Variants in CHEK2 observed in about 807,000 individuals in gnomAD.
The protein encoded by CHEK2 is checkpoint kinase 2, also known as serine/threonine-protein kinase Chk2.
In CHEK2, 71 loss-of-function variants were observed where a neutral mutation model predicts 69.1. The observed-to-expected ratio is 1.03, with a 90% confidence interval of 0.85 to 1.25. The LOEUF is 1.25. CHEK2 is among the 50% of genes most tolerant of loss of function. The pLI is 0.00. For missense variants in CHEK2, 664 were observed against 649.6 expected, an observed-to-expected ratio of 1.02 and a Z score of -0.24; for synonymous variants, 189 against 226.9, an observed-to-expected ratio of 0.83 and a Z score of 1.50.
chr22:28,734,318 C>G, intron 2 of CHEK2, 85 bp downstream of exon 2: 5 of 1,352,552 alleles, frequency 3.7e-6, no homozygotes, highest in Non-Finnish European at 5.2e-6. Context: ...TGGACAACTC[C>G]AATCAGAACC....
In CHEK2 at chr22:28,734,393, AG is replaced by A; in HGVS notation, c.319+9del. 2.5e-6 allele frequency: 4 copies of A among 1,612,860 alleles called. No individual in the cohort carries two copies. In the South Asian group the frequency reaches 4.4e-5, roughly 18 times the overall value. ...AACAAAACGTGATACTATACAACAA[AG>A]GGTCTTACCAAGATTGGCAAATCCA... On this transcript the variant is annotated intron_variant, in intron 2 of 14. Coordinates refer to ENST00000404276, the MANE Select transcript of CHEK2 (RefSeq NM_007194.4).
intron 4 of CHEK2, among the ~76,000 whole-genome samples, chr22:28,719,778 C>G (rs1460771643): frequency 2.0e-5 from 3 of 152,156 alleles, no homozygotes; most frequent in African/African-American, 7.2e-5. Context: ...TATTCCTTGA[C>G]CTCAGAATAT....
Position 28,719,468 on chromosome 22 carries a change from G to T in CHEK2, c.610C>A (p.Leu204Met). 1 of 1,588,340 alleles carries T rather than the reference G, an allele frequency of 6.3e-7. No individual in the cohort carries two copies. The highest frequency in any genetic ancestry group is 1.1e-5 in the South Asian group (1 of 88,334). The change falls in exon 5 of 15, where the codon CTG becomes ATG. Residue 204 changes from leucine (L) to methionine (M), a missense_variant. Transcript: ENST00000404276. ...TAAACTGACTGATCATCTACAGTCA[G>T]ATCAAAAAAGACAAAAACTAAGGAA... ...SRNKVFVFFD[L>M]TVDDQSVYPK...
intron 10 of CHEK2, among the ~76,000 whole-genome samples, chr22:28,696,643 G>A (rs2052595554): frequency 6.6e-6 from 1 of 152,060 alleles, no homozygotes; most frequent in African/African-American, 2.4e-5. Context: ...ACAGGTGTGA[G>A]CCACCATACC....
rs17881298 is a variant in CHEK2, at chr22:28,724,927, T to G, written c.592+50A>C. ...AAGGACAGGACAAATTTTCCTCCTA[T>G]GAGAGAGTGGAAAAAAAAAATTCCA... On this transcript the variant is annotated intron_variant, in intron 4 of 14. Coordinates refer to ENST00000404276, the MANE Select transcript of CHEK2 (RefSeq NM_007194.4). 3.0e-4 allele frequency: 480 copies of G among 1,587,930 alleles called. No individual in the cohort carries two copies. The highest frequency in any genetic ancestry group is 3.6e-4 in the Non-Finnish European group (417 of 1,156,664).
chr22:28,688,682 T>C (rs1382663823), intron 14 of CHEK2, among the ~76,000 whole-genome samples: 11 of 143,080 alleles, frequency 7.7e-5, no homozygotes, highest in South Asian at 4.4e-4. Flanking sequence ...AAAAAAAAAA[T>C]TGGGGGGAGG....
At position 28,723,024 on chromosome 22, in the gene CHEK2, C is replaced by G. The variant is rs573395600; in HGVS notation, c.592+1953G>C. Among the ~76,000 whole-genome samples the G allele has an allele frequency of 2.6e-5, 4 of 152,286 alleles. No homozygotes were observed. In the East Asian group the frequency reaches 7.7e-4, roughly 29 times the overall value. ...TTGGGAACGTCTATGGTTTCTTTAA[C>G]TAAAGAAAAATTGTATTCCTCCTGT... On this transcript the variant is annotated intron_variant, in intron 4 of 14. Coordinates refer to ENST00000404276, the MANE Select transcript of CHEK2 (RefSeq NM_007194.4).
At chr22:28,714,165 T>C (rs960623521) in intron 5 of CHEK2, among the ~76,000 whole-genome samples, 1 of 152,228 alleles carries the variant, frequency 6.6e-6, no homozygotes, top group Non-Finnish European at 1.5e-5. Flanking sequence ...GCTACATCAT[T>C]TTACATTCCC....
At chr22:28,731,559 G>A (rs8184945) in intron 2 of CHEK2, among the ~76,000 whole-genome samples, 40,669 of 152,032 alleles carry the variant, frequency 0.27, 6,955 homozygotes, top group Middle Eastern at 0.41. Flanking sequence ...TCGTACCACT[G>A]CACTCCAGCC....
At position 28,721,636 on chromosome 22, in the gene CHEK2, TA is replaced by T. The variant is rs199835095; in HGVS notation, c.593-2152del. On this transcript the variant is annotated intron_variant, in intron 4 of 14. Transcript: ENST00000404276. ...AGTAGATTTTAAGTATTTTCTCTAT[TA>T]AAAAAAAAAAGATAAATATGTGAGG... The T allele has an allele frequency of 0.03, 10,332 of 341,200 alleles. No homozygotes were observed. Among genetic ancestry groups the T allele is most frequent in the South Asian group, 0.051 (2,063 of 40,722 alleles). 21.1% of individuals were successfully genotyped at this position (341,200 alleles called of 1,614,324 possible).
rs186920781 is a variant in CHEK2 at position 28,702,383 on chromosome 22, A to C, written c.908+1122T>G. The stretch of plus-strand genomic sequence containing the variant: ...CCTCCCGAGTAGCTGGGACTACAGG[A>C]GCCCACCACCACACCCAGCTAATTT... On this transcript the variant is annotated intron_variant, in intron 8 of 14. Coordinates refer to ENST00000404276, the MANE Select transcript of CHEK2 (RefSeq NM_007194.4). Among the ~76,000 whole-genome samples, 446 of 147,400 alleles carry C rather than the reference A, an allele frequency of 3.0e-3. 13 individuals are homozygous for C. The East Asian group carries it at 0.055, about 18-fold the overall frequency.
At chr22:28,704,121 GACACAC>G (rs10565000) in intron 7 of CHEK2, among the ~76,000 whole-genome samples, 42,506 of 142,826 alleles carry the variant, frequency 0.3, 6,976 homozygotes, top group Non-Finnish European at 0.39. Flanking sequence ...GAGACAGACA[GACACAC>G]ACACACACAC....
At chr22:28,696,856 C>T (rs1382600520) in intron 10 of CHEK2, 45 bp downstream of exon 10, 2 of 1,287,174 alleles carry the variant, frequency 1.6e-6, no homozygotes, top group East Asian at 2.3e-5. Context: ...AGTTTCTGAA[C>T]AAGAATCTAC....
At chr22:28,713,294 A>G (rs1191411322) in intron 5 of CHEK2, among the ~76,000 whole-genome samples, 1 of 152,232 alleles carries the variant, frequency 6.6e-6, no homozygotes, top group Non-Finnish European at 1.5e-5. Context: ...CAACAAAAGA[A>G]AAACAATAGA....
At chr22:28,718,373 C>A (rs2053654947) in intron 5 of CHEK2, among the ~76,000 whole-genome samples, 2 of 152,146 alleles carry the variant, frequency 1.3e-5, no homozygotes, top group Middle Eastern at 3.4e-3. Flanking sequence ...TATAAAGGTT[C>A]CCCAAAAAGC....
In CHEK2 at chr22:28,741,804, G is replaced by C. The variant is rs1284527725; in HGVS notation, c.-42C>G. 2 of 515,492 alleles carry C rather than the reference G, an allele frequency of 3.9e-6. No homozygotes were observed. Among genetic ancestry groups the C allele is most frequent in the Admixed American group, 6.7e-5 (2 of 30,048 alleles). The allele number at this position is 515,492 out of a possible 1,614,324, so 31.9% of individuals were successfully genotyped here. A position where few individuals can be genotyped will look rare whatever the true frequency, so the allele number is the denominator to read the frequency against. On this transcript the variant is annotated 5_prime_UTR_variant, in exon 1 of 15. Transcript: ENST00000404276. ...CACCTGGAGCCGCACACTCTCCGCA[G>C]CCTCAGCCAGCAGAGTGGCGCTAAA...
At chr22:28,731,336 C>T (rs764816706) in intron 2 of CHEK2, among the ~76,000 whole-genome samples, 15 of 152,048 alleles carry the variant, frequency 9.9e-5, no homozygotes, top group African/African-American at 1.4e-4. Context: ...TGGTGGCTCG[C>T]GCCTGTAATC....
At position 28,734,668 on chromosome 22, in the gene CHEK2, A is replaced by G. The variant is rs1057523962; in HGVS notation, c.54T>C (p.Cys18=). ...GGGTAACGCTGCCATGGGGCTGTGAACAGGCACTGCTGCCATGAGACTGCT... is the reference window on the plus strand; with the variant it reads ...GGGTAACGCTGCCATGGGGCTGTGAGCAGGCACTGCTGCCATGAGACTGCT... ...EAQQSHGSSA[C]SQPHGSVTQS... The change falls in exon 2 of 15, where the codon TGT becomes TGC. Residue 18 remains cysteine, a synonymous_variant. Transcript: ENST00000404276. 3 of 1,614,028 alleles carry G rather than the reference A, an allele frequency of 1.9e-6. No individual in the cohort carries two copies. The South Asian group carries it at 3.3e-5, about 18-fold the overall frequency.
intron 8 of CHEK2, among the ~76,000 whole-genome samples, chr22:28,701,009 G>A (rs566335084): frequency 6.6e-6 from 1 of 151,972 alleles, no homozygotes; most frequent in East Asian, 2.0e-4. Context: ...GGCTGGTCTC[G>A]AACTCCTGAC....
Sources: allele counts gnomAD v4.1 joint callset (sites outside exome capture counted in the v4.1 genomes callset), GRCh38; gene constraint gnomAD v4.1.1; transcripts MANE v1.5; gene names NCBI Gene and HGNC (gene_info 2026-07-23, HGNC 2026-07-21).